The following PTBP3 variants were observed in gnomAD, a reference collection of about 807,000 sequenced individuals.
PTBP3 encodes polypyrimidine tract binding protein 3, also known as polypyrimidine tract-binding protein 3.
PTBP3 carries 20 observed loss-of-function variants against 58.7 expected under a neutral mutation model. That is an observed-to-expected ratio of 0.34 (90% CI 0.24 to 0.50). The LOEUF is 0.50. Among genes scored for constraint, PTBP3 ranks in the 20% least tolerant of loss-of-function variants. The pLI, the probability that PTBP3 is intolerant of heterozygous loss-of-function variation, is 0.98. For synonymous variants in PTBP3, 185 were observed against 219.8 expected, an observed-to-expected ratio of 0.84 and a Z score of 1.40; for missense variants, 509 against 637.2, an observed-to-expected ratio of 0.80 and a Z score of 2.17.
At chr9:112,308,494 T>C (rs1009212840) in intron 1 of PTBP3, among the ~76,000 whole-genome samples, 6 of 152,124 alleles carry the variant, frequency 3.9e-5, no homozygotes, top group Admixed American at 3.9e-4. Context: ...TTAATATTTA[T>C]ATCCTAAGTG....
At chr9:112,361,732 G>A in the PTBP3 span, among the ~76,000 whole-genome samples, 28 of 152,038 alleles carry the variant, frequency 1.8e-4, no homozygotes, top group African/African-American at 6.3e-4. Flanking sequence ...ATTTCTCTTC[G>A]GTATACATAC....
At chr9:112,346,819 G>A in the PTBP3 span, among the ~76,000 whole-genome samples, 3,205 of 151,966 alleles carry the variant, frequency 0.021, 104 homozygotes, top group African/African-American at 0.069. Context: ...TGCCTCCCAG[G>A]TTCAAGTGAT....
the PTBP3 span, among the ~76,000 whole-genome samples, chr9:112,348,822 C>G: frequency 6.6e-6 from 1 of 151,142 alleles, no homozygotes; most frequent in South Asian, 2.1e-4. Context: ...AACAATACCA[C>G]CCCCCCTCCC....
At chr9:112,254,395 G>A (rs1400262644) in intron 5 of PTBP3, among the ~76,000 whole-genome samples, 3 of 152,122 alleles carry the variant, frequency 2.0e-5, no homozygotes, top group African/African-American at 7.2e-5. Context: ...GGTAATGAAT[G>A]AAAAATAGAT....
At chr9:112,353,801 CAA>C in the PTBP3 span, among the ~76,000 whole-genome samples, 1 of 151,316 alleles carries the variant, frequency 6.6e-6, no homozygotes, top group Admixed American at 6.6e-5. Context: ...GCCAAAAATA[CAA>C]AAAAATTAGC....
rs1564380385 is a variant in PTBP3 at position 112,220,374 on chromosome 9, C to T, written c.*3477G>A. On this transcript the variant is annotated 3_prime_UTR_variant, in exon 14 of 14. Transcript: ENST00000374257. ...TTGAGCCCAGGAGTTGGCGAGACCC[C>T]TAAAAATAAAATAAAGTAAAATAAA... 5 of 1,236,572 alleles carry T rather than the reference C, an allele frequency of 4.0e-6. No individual in the cohort carries two copies. Among genetic ancestry groups the T allele is most frequent in the Non-Finnish European group, 4.1e-6 (4 of 965,026 alleles). 76.6% of individuals were successfully genotyped at this position (1,236,572 alleles called of 1,614,324 possible).
the PTBP3 span, among the ~76,000 whole-genome samples, chr9:112,366,849 G>A: frequency 6.6e-6 from 1 of 152,148 alleles, no homozygotes; most frequent in Non-Finnish European, 1.5e-5. Flanking sequence ...TGGAAAAGCT[G>A]CAGACACTCA....
chr9:112,286,325 C>T (rs1828111602), intron 2 of PTBP3, among the ~76,000 whole-genome samples: 1 of 151,936 alleles, frequency 6.6e-6, no homozygotes, highest in Non-Finnish European at 1.5e-5. Context: ...GTTTAAAAGC[C>T]CACCATCTTG....
chr9:112,310,017 G>A (rs1829412455), intron 1 of PTBP3, among the ~76,000 whole-genome samples: 1 of 152,154 alleles, frequency 6.6e-6, no homozygotes, highest in Admixed American at 6.5e-5. Context: ...CCATTTGAAT[G>A]AGATCACATT....
At chr9:112,233,949 A>AAAAG (rs565008030) in intron 8 of PTBP3, among the ~76,000 whole-genome samples, 1 of 151,516 alleles carries the variant, frequency 6.6e-6, no homozygotes, top group African/African-American at 2.4e-5. Flanking sequence ...CAACAAAAAA[A>AAAAG]AGAGAGAGAG....
intron 2 of PTBP3, among the ~76,000 whole-genome samples, chr9:112,284,357 T>C (rs1044713819): frequency 6.6e-6 from 1 of 152,178 alleles, no homozygotes; most frequent in Non-Finnish European, 1.5e-5. Flanking sequence ...AAGCATGCCC[T>C]AGATGTGAGA....
chr9:112,301,756 A>G (rs1261096241), intron 1 of PTBP3, among the ~76,000 whole-genome samples: 2 of 152,172 alleles, frequency 1.3e-5, no homozygotes, highest in Non-Finnish European at 2.9e-5. Flanking sequence ...CCCAATACCA[A>G]TGCTTCTGTT....
At chr9:112,232,590 G>C (rs1303784319) in intron 8 of PTBP3, among the ~76,000 whole-genome samples, 2 of 152,092 alleles carry the variant, frequency 1.3e-5, no homozygotes, top group Non-Finnish European at 2.9e-5. Context: ...AAGTGTATAT[G>C]CTTTTCATAC....
At chr9:112,335,646 G>A (rs1398870049), upstream of PTBP3, among the ~76,000 whole-genome samples, 3 of 135,388 alleles carry the variant, frequency 2.2e-5, no homozygotes, top group Admixed American at 1.5e-4. Context: ...ATTATAGCTG[G>A]GCATGGTGGC....
intron 1 of PTBP3, among the ~76,000 whole-genome samples, chr9:112,302,327 G>GT (rs772154627): frequency 2.0e-5 from 3 of 152,098 alleles, no homozygotes; most frequent in Non-Finnish European, 4.4e-5. Flanking sequence ...GAATACGGCA[G>GT]TATCTTGAAA....
chr9:112,271,104 G>A (rs1055932126), intron 3 of PTBP3, among the ~76,000 whole-genome samples: 1 of 152,146 alleles, frequency 6.6e-6, no homozygotes, highest in Non-Finnish European at 1.5e-5. Flanking sequence ...TGGGATTACA[G>A]GCAAGAGCCA....
chr9:112,229,717 C>T (rs181674033), intron 10 of PTBP3, among the ~76,000 whole-genome samples: 1 of 152,160 alleles, frequency 6.6e-6, no homozygotes, highest in African/African-American at 2.4e-5. Flanking sequence ...TAAACATATA[C>T]CATTTGTTTT....
At chr9:112,315,216 G>A (rs1343254975) in intron 1 of PTBP3, among the ~76,000 whole-genome samples, 5 of 151,178 alleles carry the variant, frequency 3.3e-5, no homozygotes, top group Non-Finnish European at 7.4e-5. Context: ...GACAAACCAT[G>A]TTTAACATAA....
the PTBP3 span, among the ~76,000 whole-genome samples, chr9:112,353,708 C>T: frequency 6.6e-6 from 1 of 151,962 alleles, no homozygotes; most frequent in Admixed American, 6.6e-5. Context: ...AATATAGATG[C>T]TCTTTGGGAG....
Sources: allele counts gnomAD v4.1 joint callset (sites outside exome capture counted in the v4.1 genomes callset), GRCh38; gene constraint gnomAD v4.1.1; transcripts MANE v1.5; gene names NCBI Gene and HGNC (gene_info 2026-07-23, HGNC 2026-07-21).